The following TBCK variants were observed in gnomAD, a reference collection of about 807,000 sequenced individuals.
TBCK encodes the protein TBC domain-containing protein kinase-like protein.
TBCK carries 99 observed loss-of-function variants against 113.4 expected under a neutral mutation model. The ratio of observed to expected loss-of-function variants is 0.87; its 90% CI spans 0.74 to 1.03. The LOEUF (loss-of-function observed/expected upper bound fraction) is 1.03, where lower values mean the gene tolerates loss of function less well. TBCK is among the 50% of genes least tolerant of loss of function. The pLI is 0.00. For missense variants in TBCK, 1,045 were observed against 1,061.3 expected (o/e 0.98, Z 0.21); for synonymous variants, 369 against 370.8 (o/e 1.00, Z 0.05).
chr4:106,246,367 G>C (rs577916256), intron 10 of TBCK, among the ~76,000 whole-genome samples: 1 of 152,186 alleles, frequency 6.6e-6, no homozygotes, highest in East Asian at 1.9e-4. Flanking sequence ...TCAGAATAAA[G>C]GTAACTGGTG....
chr4:106,150,029 C>G (rs1256897363), intron 23 of TBCK, among the ~76,000 whole-genome samples: 1 of 152,132 alleles, frequency 6.6e-6, no homozygotes, highest in African/African-American at 2.4e-5. Flanking sequence ...TTCTGTTGTT[C>G]CTGTTTAGAA....
intron 16 of TBCK, 39 bp from the exon 17 acceptor site, chr4:106,233,103 G>A: frequency 6.3e-7 from 1 of 1,578,768 alleles, no homozygotes; most frequent in South Asian, 1.1e-5. Flanking sequence ...AACAGTAATT[G>A]TGTAATCAGC....
chr4:106,135,297 C>T (rs934313025), intron 23 of TBCK, among the ~76,000 whole-genome samples: 1 of 151,512 alleles, frequency 6.6e-6, no homozygotes, highest in African/African-American at 2.4e-5. Flanking sequence ...TTACAATAAT[C>T]CTGAGGGAGG....
intron 22 of TBCK, among the ~76,000 whole-genome samples, chr4:106,180,544 C>A (rs1010940947): frequency 7.2e-5 from 11 of 152,020 alleles, no homozygotes; most frequent in Admixed American, 7.2e-4. Context: ...TAGCCCCCAC[C>A]CCGCACAGGC....
chr4:106,181,799 CA>C (rs1485644523), intron 22 of TBCK, among the ~76,000 whole-genome samples: 1 of 152,088 alleles, frequency 6.6e-6, no homozygotes, highest in African/African-American at 2.4e-5. Flanking sequence ...AGTCAGGAAG[CA>C]TGATGCCTCC....
chr4:106,227,375 G>A (rs1402563400), intron 19 of TBCK, among the ~76,000 whole-genome samples: 1 of 145,420 alleles, frequency 6.9e-6, no homozygotes, highest in Non-Finnish European at 1.5e-5. Flanking sequence ...GTTTTTATGT[G>A]CTAAGCTATT....
At chr4:106,104,044 C>G (rs78051958) in intron 24 of TBCK, among the ~76,000 whole-genome samples, 8,164 of 152,274 alleles carry the variant, frequency 0.054, 487 homozygotes, top group East Asian at 0.28. Flanking sequence ...AGTCTTCAGT[C>G]TGACGGACAG....
chr4:106,224,959 G>A (rs758363586), intron 19 of TBCK, among the ~76,000 whole-genome samples: 14 of 152,178 alleles, frequency 9.2e-5, no homozygotes, highest in Non-Finnish European at 1.9e-4. Flanking sequence ...CTTGCTCTGT[G>A]CTAACATAAT....
At chr4:106,058,779 A>T (rs368951019) in intron 25 of TBCK, among the ~76,000 whole-genome samples, 13 of 151,734 alleles carry the variant, frequency 8.6e-5, no homozygotes, top group African/African-American at 2.9e-4. Context: ...GCAACTAGTC[A>T]TAGGGTATTT....
rs939346254 is a variant in TBCK, at chr4:106,138,494, A to T, written c.2236-22116T>A. On this transcript the variant is annotated intron_variant, in intron 23 of 25. Coordinates refer to ENST00000394708, the MANE Select transcript of TBCK (RefSeq NM_001163435.3). ...ACTCAGTTAAGTGTTGTTCATGAAC[A>T]TGGCATGCTTATATAATCTTAGATC... Among the ~76,000 whole-genome samples the T allele has an allele frequency of 1.1e-4, 15 of 141,274 alleles. 3 individuals carry two copies. The highest frequency in any genetic ancestry group is 6.3e-4 in the Admixed American group (9 of 14,252). The allele number at this position is 141,274 out of a possible 152,430, so 92.7% of individuals were successfully genotyped here.
chr4:106,126,423 C>G (rs182160491), intron 23 of TBCK, among the ~76,000 whole-genome samples: 1 of 151,820 alleles, frequency 6.6e-6, no homozygotes, highest in African/African-American at 2.4e-5. Flanking sequence ...AATAGTATTT[C>G]CAAATCATCT....
chr4:106,304,466 T>C (rs1305826657), intron 2 of TBCK, among the ~76,000 whole-genome samples: 3 of 152,226 alleles, frequency 2.0e-5, no homozygotes, highest in Non-Finnish European at 2.9e-5. Context: ...TTTAAATTGA[T>C]ATTTTTTCCA....
intron 20 of TBCK, among the ~76,000 whole-genome samples, chr4:106,196,560 C>A (rs1428877581): frequency 6.6e-6 from 1 of 151,878 alleles, no homozygotes; most frequent in Non-Finnish European, 1.5e-5. Flanking sequence ...ATATTAAAAT[C>A]TAAGTACTAC....
At chr4:106,219,705 C>A (rs971109435) in intron 19 of TBCK, among the ~76,000 whole-genome samples, 3 of 146,034 alleles carry the variant, frequency 2.1e-5, no homozygotes, top group Non-Finnish European at 4.5e-5. Flanking sequence ...ATGAGCTCAA[C>A]TTTTTTTTTT....
intron 25 of TBCK, among the ~76,000 whole-genome samples, chr4:106,060,567 T>C (rs1362824293): frequency 6.6e-6 from 1 of 151,858 alleles, no homozygotes; most frequent in Non-Finnish European, 1.5e-5. Flanking sequence ...TCATTGACAA[T>C]GCACCTGGTC....
At chr4:106,189,507 G>A (rs902186173) in intron 22 of TBCK, among the ~76,000 whole-genome samples, 1 of 151,986 alleles carries the variant, frequency 6.6e-6, no homozygotes, top group Admixed American at 6.6e-5. Context: ...TACTACAGTT[G>A]CTCTACTCTT....
chr4:106,132,587 A>G (rs1251215299), intron 23 of TBCK, among the ~76,000 whole-genome samples: 1 of 152,216 alleles, frequency 6.6e-6, no homozygotes, highest in African/African-American at 2.4e-5. Flanking sequence ...CTGTGAGAAG[A>G]GGGCCACAGT....
chr4:106,138,699 T>G (rs1456911327), intron 23 of TBCK, among the ~76,000 whole-genome samples: 1 of 141,098 alleles, frequency 7.1e-6, no homozygotes, highest in Non-Finnish European at 1.6e-5. Flanking sequence ...AGGATATACG[T>G]TTCTATTAAT....
intron 22 of TBCK, among the ~76,000 whole-genome samples, chr4:106,191,772 G>A (rs1753694437): frequency 1.3e-5 from 2 of 152,104 alleles, no homozygotes; most frequent in South Asian, 4.2e-4. Context: ...ATTAAGCAAA[G>A]AAACCCAATT....
Sources: gnomAD v4.1 joint callset for allele counts (sites outside exome capture counted in the v4.1 genomes callset) on GRCh38, gnomAD v4.1.1 for gene constraint, MANE v1.5 for transcripts, NCBI Gene and HGNC (gene_info 2026-07-23, HGNC 2026-07-21) for gene names.